The following NUMB variants were observed in gnomAD, a reference collection of about 807,000 sequenced individuals.
NUMB encodes protein numb homolog.
Under a neutral mutation model 59.7 loss-of-function variants are expected in NUMB, and 29 were observed. That is an observed-to-expected ratio of 0.49 (90% CI 0.36 to 0.66). The LOEUF is 0.66. NUMB is among the 30% of genes least tolerant of loss of function. NUMB has a pLI of 0.00. For synonymous variants in NUMB, 288 were observed against 288.2 expected, an observed-to-expected ratio of 1.00 and a Z score of 0.01; for missense variants, 723 against 822.0, an observed-to-expected ratio of 0.88 and a Z score of 1.47.
intron 1 of NUMB, among the ~76,000 whole-genome samples, chr14:73,439,964 G>T (rs531781546): frequency 4.6e-5 from 7 of 152,182 alleles, no homozygotes; most frequent in African/African-American, 1.7e-4. Flanking sequence ...ACATAAGGAT[G>T]AAATTATATA....
chr14:73,445,950 A>T (rs1883470162), intron 1 of NUMB, among the ~76,000 whole-genome samples: 1 of 152,158 alleles, frequency 6.6e-6, no homozygotes, highest in Admixed American at 6.6e-5. Flanking sequence ...ACTGCAAAAA[A>T]TTAACAACTT....
intron 1 of NUMB, among the ~76,000 whole-genome samples, chr14:73,434,190 T>C (rs1030994864): frequency 3.3e-5 from 5 of 152,124 alleles, no homozygotes; most frequent in African/African-American, 1.2e-4. Context: ...ATTTAATCCA[T>C]TTAGCACTGA....
Position 73,332,792 on chromosome 14 carries a change from C to T in NUMB, c.127-9588G>A, listed in dbSNP as rs952887665. ...CCCTCCCCACAGCCCCCGGCAACTA[C>T]CAATCTGCATTCTGTCTTTATGGAT... On this transcript the variant is annotated intron_variant, in intron 4 of 12. Transcript: ENST00000555238. 3.9e-4 allele frequency among the ~76,000 whole-genome samples: 15 copies of T among 38,748 alleles called. No individual in the cohort carries two copies. The Admixed American group carries it at 4.3e-3, about 11-fold the overall frequency. The allele number at this position is 38,748 out of a possible 152,430, so 25.4% of individuals were successfully genotyped here.
At chr14:73,375,887 T>G (rs1287907948) in intron 2 of NUMB, among the ~76,000 whole-genome samples, 1 of 152,176 alleles carries the variant, frequency 6.6e-6, no homozygotes, top group Non-Finnish European at 1.5e-5. Context: ...TTATACAAAC[T>G]AGGAACACAA....
intron 2 of NUMB, among the ~76,000 whole-genome samples, chr14:73,379,720 G>C (rs1028504705): frequency 3.3e-5 from 5 of 152,178 alleles, no homozygotes; most frequent in African/African-American, 1.2e-4. Context: ...AAGTGTACAG[G>C]TCCTGAGGCA....
In NUMB at chr14:73,318,170, A is replaced by C. The variant is rs1468536773; in HGVS notation, c.202-1748T>G. Among the ~76,000 whole-genome samples, 3 of 152,340 alleles carry C rather than the reference A, an allele frequency of 2.0e-5. No homozygotes were observed. In the East Asian group the frequency reaches 5.8e-4, roughly 29 times the overall value. On this transcript the variant is annotated intron_variant, in intron 5 of 12. Transcript: ENST00000555238. ...TCAAGGATGCGGCCAAAGTTAAGAT[A>C]TTCACCATTCTTGAGGGATGGGAAG...
chr14:73,446,927 G>A (rs980925017), intron 1 of NUMB, among the ~76,000 whole-genome samples: 4 of 152,020 alleles, frequency 2.6e-5, no homozygotes, highest in South Asian at 2.1e-4. Flanking sequence ...AGTGGCTCAC[G>A]CCTGTAATCC....
At position 73,292,740 on chromosome 14, in the gene NUMB, C is replaced by T. The variant is rs1259686370; in HGVS notation, c.444G>A (p.Lys148=). 4.3e-6 allele frequency: 7 copies of T among 1,614,020 alleles called. No individual in the cohort carries two copies. In the Admixed American group the frequency reaches 1.2e-4, roughly 27 times the overall value. The change falls in exon 8 of 13, where the codon AAG becomes AAA. Residue 148 remains lysine, a synonymous_variant. Transcript: ENST00000555238. ...ACATATTTGCTGGACTCACTGTGTCCTTGACAGCCATGAAGCAGTGACAGA... is the reference window on the plus strand; with the variant it reads ...ACATATTTGCTGGACTCACTGTGTCTTTGACAGCCATGAAGCAGTGACAGA... ...RWICHCFMAV[K]DTGERLSHAV...
At chr14:73,412,878 C>T (rs1896958972) in intron 1 of NUMB, among the ~76,000 whole-genome samples, 1 of 151,916 alleles carries the variant, frequency 6.6e-6, no homozygotes, top group African/African-American at 2.4e-5. Context: ...GTCTTCCCAC[C>T]TTGGCATTAC....
chr14:73,316,340 T>G lies in NUMB; in HGVS notation c.234+50A>C, dbSNP rs763094823. ...TTTAAAAAATATGTCAGTGCTACAC[T>G]AGGGGTGTAACTCCTTATAAAGCAA... On this transcript the variant is annotated intron_variant, in intron 6 of 12. Transcript: ENST00000555238. The G allele has an allele frequency of 4.6e-6, 7 of 1,523,672 alleles. No homozygotes were observed. In the African/African-American group the frequency reaches 8.2e-5, roughly 18 times the overall value. The allele number at this position is 1,523,672 out of a possible 1,614,324, so 94.4% of individuals were successfully genotyped here.
intron 2 of NUMB, among the ~76,000 whole-genome samples, chr14:73,372,537 A>ATTCATTCTT: frequency 6.7e-6 from 1 of 150,092 alleles, no homozygotes; most frequent in South Asian, 2.1e-4. Context: ...GATATTAAAA[A>ATTCATTCTT]CCACAACTTC....
intron 2 of NUMB, among the ~76,000 whole-genome samples, chr14:73,401,145 C>G (rs1018070946): frequency 6.6e-6 from 1 of 152,154 alleles, no homozygotes; most frequent in African/African-American, 2.4e-5. Flanking sequence ...CAGCTGGTGT[C>G]TGCCAAAGAA....
intron 1 of NUMB, among the ~76,000 whole-genome samples, chr14:73,446,297 T>C (rs974378335): frequency 6.6e-6 from 1 of 151,712 alleles, no homozygotes; most frequent in East Asian, 1.9e-4. Context: ...ATCACCAGAC[T>C]TGCAAAATAA....
intron 2 of NUMB, among the ~76,000 whole-genome samples, chr14:73,392,662 ATATT>A (rs1389908900): frequency 6.6e-6 from 1 of 152,242 alleles, no homozygotes; most frequent in Non-Finnish European, 1.5e-5. Flanking sequence ...ACAGTGTCAT[ATATT>A]TATTTGGCCT....
At chr14:73,331,404 G>T (rs1020106524) in intron 4 of NUMB, among the ~76,000 whole-genome samples, 1 of 152,060 alleles carries the variant, frequency 6.6e-6, no homozygotes, top group Non-Finnish European at 1.5e-5. Context: ...AATTAGCCGG[G>T]CGTGGTGGTG....
In NUMB at chr14:73,276,842, G is replaced by T; in HGVS notation, c.1692C>A (p.His564Gln). The T allele has an allele frequency of 6.2e-7, 1 of 1,614,186 alleles. No individual in the cohort carries two copies. Among genetic ancestry groups the T allele is most frequent in the Non-Finnish European group, 8.5e-7 (1 of 1,180,018 alleles). Residue 564 changes from histidine (H) to glutamine (Q), a missense_variant, in exon 13 of 13, where the codon CAC becomes CAA. Transcript: ENST00000555238. ...PSLVRQQTFP[H>Q]YEASSATTSP... ...TGGTGGTAGCACTGCTTGCCTCGTA[G>T]TGAGGGAATGTCTGCTGCCTGACCA...
chr14:73,375,017 T>C (rs937313337), intron 2 of NUMB, among the ~76,000 whole-genome samples: 1 of 152,182 alleles, frequency 6.6e-6, no homozygotes, highest in Non-Finnish European at 1.5e-5. Flanking sequence ...CTAGAAACCT[T>C]GTTCTTCTAA....
At chr14:73,373,181 T>C (rs921264717) in intron 2 of NUMB, among the ~76,000 whole-genome samples, 1 of 152,194 alleles carries the variant, frequency 6.6e-6, no homozygotes, top group Non-Finnish European at 1.5e-5. Context: ...CCCAGCTGTT[T>C]CCTAGGAATC....
intron 6 of NUMB, among the ~76,000 whole-genome samples, chr14:73,311,248 G>C (rs1399846188): frequency 6.6e-6 from 1 of 152,062 alleles, no homozygotes; most frequent in Admixed American, 6.5e-5. Context: ...TAGAGACGGG[G>C]TTTCACCATC....
Sources: gnomAD v4.1 joint callset for allele counts (sites outside exome capture counted in the v4.1 genomes callset) on GRCh38, gnomAD v4.1.1 for gene constraint, MANE v1.5 for transcripts, NCBI Gene and HGNC (gene_info 2026-07-23, HGNC 2026-07-21) for gene names.